Variants in KCNH5 observed in about 807,000 individuals in gnomAD.
The protein encoded by KCNH5 is voltage-gated delayed rectifier potassium channel KCNH5.
KCNH5 carries 46 observed loss-of-function variants against 96.1 expected under a neutral mutation model. The ratio of observed to expected loss-of-function variants is 0.48; its 90% CI spans 0.38 to 0.61. KCNH5 has a LOEUF of 0.61. Among genes scored for constraint, KCNH5 ranks in the 20% least tolerant of loss-of-function variants. KCNH5 has a pLI of 0.00. For missense variants in KCNH5, 907 were observed against 1,225.8 expected (o/e 0.74, Z 3.88); for synonymous variants, 439 against 449.8 (o/e 0.98, Z 0.30).
At chr14:62,936,457 T>A (rs562183382) in intron 7 of KCNH5, among the ~76,000 whole-genome samples, 4 of 143,100 alleles carry the variant, frequency 2.8e-5, no homozygotes, top group Non-Finnish European at 6.1e-5. Flanking sequence ...GGCGGATCAC[T>A]TGAGGTCAGG....
intron 7 of KCNH5, among the ~76,000 whole-genome samples, chr14:62,860,322 A>G (rs962072687): frequency 6.6e-6 from 1 of 152,186 alleles, no homozygotes; most frequent in Non-Finnish European, 1.5e-5. Context: ...CTCAAGCACC[A>G]TTGGATCTGC....
At chr14:62,961,619 A>G (rs1416553343) in intron 6 of KCNH5, among the ~76,000 whole-genome samples, 1 of 152,222 alleles carries the variant, frequency 6.6e-6, no homozygotes, top group African/African-American at 2.4e-5. Flanking sequence ...AGAAAGACTA[A>G]GTGAATTTGT....
intron 9 of KCNH5, among the ~76,000 whole-genome samples, chr14:62,788,949 C>T (rs1886375685): frequency 6.6e-6 from 1 of 151,966 alleles, no homozygotes; most frequent in Admixed American, 6.6e-5. Flanking sequence ...TGGTCTGGTA[C>T]CAAACCAACA....
chr14:62,886,911 G>A (rs11847364), intron 7 of KCNH5, among the ~76,000 whole-genome samples: 5,839 of 152,120 alleles, frequency 0.038, 343 homozygotes, highest in African/African-American at 0.13. Flanking sequence ...GAATAGAACC[G>A]GTAGTGAACG....
At chr14:62,953,276 C>T (rs766664822) in intron 6 of KCNH5, among the ~76,000 whole-genome samples, 8 of 152,054 alleles carry the variant, frequency 5.3e-5, no homozygotes, top group Non-Finnish European at 1.0e-4. Flanking sequence ...CTCCAACTGA[C>T]GCCCTCTCAA....
At chr14:62,955,517 A>G (rs1379827520) in intron 6 of KCNH5, among the ~76,000 whole-genome samples, 2 of 152,234 alleles carry the variant, frequency 1.3e-5, no homozygotes, top group Non-Finnish European at 2.9e-5. Context: ...CTAAGTTCAC[A>G]TACATAGTAA....
intron 6 of KCNH5, among the ~76,000 whole-genome samples, chr14:62,963,906 C>CAAGACAAGT (rs1890258519): frequency 6.6e-6 from 1 of 152,182 alleles, no homozygotes; most frequent in African/African-American, 2.4e-5. Flanking sequence ...AAGAAAATAG[C>CAAGACAAGT]TAGAACAGTA....
At chr14:63,038,118 C>A (rs1407917930) in intron 1 of KCNH5, among the ~76,000 whole-genome samples, 2 of 152,132 alleles carry the variant, frequency 1.3e-5, no homozygotes, top group Non-Finnish European at 2.9e-5. Context: ...CAGATATATG[C>A]ATTGATTAAC....
intron 8 of KCNH5, among the ~76,000 whole-genome samples, chr14:62,836,447 A>C (rs1887468537): frequency 6.6e-6 from 1 of 152,108 alleles, no homozygotes; most frequent in South Asian, 2.1e-4. Context: ...ACAAAAACAA[A>C]AATTACAATC....
intron 1 of KCNH5, among the ~76,000 whole-genome samples, chr14:63,043,734 T>C (rs975498006): frequency 1.3e-5 from 2 of 152,214 alleles, no homozygotes; most frequent in African/African-American, 4.8e-5. Flanking sequence ...GAAAATACTT[T>C]GAAACACTTA....
chr14:62,714,386 G>T (rs1041644), intron 10 of KCNH5, among the ~76,000 whole-genome samples: 82,490 of 151,994 alleles, frequency 0.54, 22,815 homozygotes, highest in East Asian at 0.84. Context: ...TGATGAATTT[G>T]ATTTAGTTAA....
chr14:62,794,086 A>C (rs1297876828), intron 9 of KCNH5, among the ~76,000 whole-genome samples: 1 of 151,780 alleles, frequency 6.6e-6, no homozygotes, highest in African/African-American at 2.4e-5. Flanking sequence ...AGTCCTAAAC[A>C]CCTTCCTCAT....
intron 7 of KCNH5, among the ~76,000 whole-genome samples, chr14:62,915,193 T>C (rs919546939): frequency 2.0e-5 from 3 of 152,214 alleles, no homozygotes; most frequent in South Asian, 4.1e-4. Context: ...GTAGAACTAA[T>C]TGTGCTTTTT....
intron 3 of KCNH5, among the ~76,000 whole-genome samples, chr14:63,003,489 A>G (rs1174005717): frequency 4.0e-5 from 5 of 125,212 alleles, no homozygotes; most frequent in African/African-American, 1.6e-4. Flanking sequence ...TATTTTATAT[A>G]TATTATATAT....
intron 10 of KCNH5, among the ~76,000 whole-genome samples, chr14:62,725,732 C>G (rs1450061679): frequency 6.6e-6 from 1 of 152,188 alleles, no homozygotes; most frequent in Non-Finnish European, 1.5e-5. Flanking sequence ...AAGCTCTTCT[C>G]TAATTTGTTC....
At chr14:62,774,053 T>C (rs1462217655) in intron 10 of KCNH5, among the ~76,000 whole-genome samples, 2 of 152,206 alleles carry the variant, frequency 1.3e-5, no homozygotes, top group East Asian at 1.9e-4. Context: ...GAATTCTGCA[T>C]ATCATCATAT....
intron 9 of KCNH5, among the ~76,000 whole-genome samples, chr14:62,802,125 T>A (rs1451466495): frequency 6.6e-6 from 1 of 152,164 alleles, no homozygotes; most frequent in Non-Finnish European, 1.5e-5. Flanking sequence ...GAAAGTTTAA[T>A]CAAACTCAGC....
At chr14:62,852,161 T>C (rs1444432444) in intron 7 of KCNH5, among the ~76,000 whole-genome samples, 1 of 152,164 alleles carries the variant, frequency 6.6e-6, no homozygotes, top group East Asian at 1.9e-4. Flanking sequence ...ATCAGGGTAA[T>C]TGGTTATCAT....
At chr14:62,932,071 C>A (rs1309309857) in intron 7 of KCNH5, among the ~76,000 whole-genome samples, 2 of 152,078 alleles carry the variant, frequency 1.3e-5, no homozygotes, top group Non-Finnish European at 2.9e-5. Context: ...GGATTTTCCA[C>A]AAAATAACCC....
Sources: allele counts gnomAD v4.1 joint callset (sites outside exome capture counted in the v4.1 genomes callset), GRCh38; gene constraint gnomAD v4.1.1; transcripts MANE v1.5; gene names NCBI Gene and HGNC (gene_info 2026-07-23, HGNC 2026-07-21).